Variants in VGLL4 observed in about 807,000 individuals in gnomAD.
VGLL4 encodes vestigial like family member 4, also known as transcription cofactor vestigial-like protein 4.
A neutral mutation model predicts 21.0 loss-of-function variants in VGLL4; 7 were observed. The ratio of observed to expected loss-of-function variants is 0.33; its 90% CI spans 0.19 to 0.63. VGLL4 has a LOEUF of 0.63. VGLL4 is among the 20% of genes least tolerant of loss of function. The pLI, the probability that VGLL4 is intolerant of heterozygous loss-of-function variation, is 0.78. For missense variants in VGLL4, 394 were observed against 425.7 expected, an observed-to-expected ratio of 0.93 and a Z score of 0.66; for synonymous variants, 222 against 173.2, an observed-to-expected ratio of 1.28 and a Z score of -2.21.
At chr3:11,631,733 A>G (rs1230859205) in intron 1 of VGLL4, among the ~76,000 whole-genome samples, 2 of 152,138 alleles carry the variant, frequency 1.3e-5, no homozygotes, top group East Asian at 3.9e-4. Flanking sequence ...CATGGGGGGA[A>G]AAATTTACAA....
intron 2 of VGLL4, among the ~76,000 whole-genome samples, chr3:11,660,552 T>C (rs1464325711): frequency 6.6e-6 from 1 of 152,178 alleles, no homozygotes; most frequent in Non-Finnish European, 1.5e-5. Flanking sequence ...AATCCTTTCC[T>C]TTGTTCTACA....
intron 1 of VGLL4, among the ~76,000 whole-genome samples, chr3:11,605,760 A>G (rs1011474283): frequency 2.6e-5 from 4 of 152,230 alleles, no homozygotes; most frequent in Non-Finnish European, 5.9e-5. Flanking sequence ...GACCTACTGA[A>G]TCAATGAGGC....
intron 3 of VGLL4, among the ~76,000 whole-genome samples, chr3:11,561,433 T>C (rs1321423943): frequency 6.6e-6 from 1 of 152,122 alleles, no homozygotes; most frequent in East Asian, 1.9e-4. Flanking sequence ...CCTTAACCGG[T>C]CACCTGCAGA....
chr3:11,664,702 C>T (rs1399633008), intron 2 of VGLL4, among the ~76,000 whole-genome samples: 1 of 152,098 alleles, frequency 6.6e-6, no homozygotes, highest in African/African-American at 2.4e-5. Context: ...TTGAATATTC[C>T]GGAAGTCCTA....
intron 1 of VGLL4, among the ~76,000 whole-genome samples, chr3:11,711,724 AAAT>A (rs2076849704): frequency 6.6e-6 from 1 of 152,186 alleles, no homozygotes; most frequent in South Asian, 2.1e-4. Flanking sequence ...CTCAAAAAAA[AAAT>A]AAAAAAGAAT....
chr3:11,688,916 G>C (rs2076487217), intron 2 of VGLL4, among the ~76,000 whole-genome samples: 1 of 152,034 alleles, frequency 6.6e-6, no homozygotes, highest in South Asian at 2.1e-4. Flanking sequence ...TACTCGGGAG[G>C]CTATGACAAG....
intron 1 of VGLL4, among the ~76,000 whole-genome samples, chr3:11,620,465 C>CT (rs1178585995): frequency 2.0e-5 from 3 of 152,116 alleles, no homozygotes; most frequent in Non-Finnish European, 2.9e-5. Context: ...CAGGGTGAGC[C>CT]TTGGTCATCC....
chr3:11,631,561 G>C (rs1282257879), intron 1 of VGLL4, among the ~76,000 whole-genome samples: 1 of 152,054 alleles, frequency 6.6e-6, no homozygotes, highest in Non-Finnish European at 1.5e-5. Flanking sequence ...TCATGAAAAA[G>C]GTCAGGTCAT....
intron 2 of VGLL4, among the ~76,000 whole-genome samples, chr3:11,575,451 GTCTGCCCCTCTCT>G (rs2074009925): frequency 6.6e-6 from 1 of 152,182 alleles, no homozygotes; most frequent in African/African-American, 2.4e-5. Context: ...TCGTGTGTGA[GTCTGCCCCTCTCT>G]CTCCTTGAGA....
intron 1 of VGLL4, among the ~76,000 whole-genome samples, chr3:11,712,987 T>C (rs954798381): frequency 6.6e-6 from 1 of 152,290 alleles, no homozygotes; most frequent in Middle Eastern, 3.4e-3. Context: ...ATGCTGAGAC[T>C]GTGGCCAACA....
chr3:11,598,556 C>T (rs1282067832), intron 2 of VGLL4, among the ~76,000 whole-genome samples: 1 of 152,034 alleles, frequency 6.6e-6, no homozygotes, highest in Non-Finnish European at 1.5e-5. Context: ...GTGGTGTGAT[C>T]ACACCTCACT....
At chr3:11,563,079 C>T (rs1024281841) in intron 3 of VGLL4, among the ~76,000 whole-genome samples, 64 of 152,228 alleles carry the variant, frequency 4.2e-4, no homozygotes, top group Non-Finnish European at 6.9e-4. Flanking sequence ...CTCAAGAGCC[C>T]TGAAGAGTCA....
Position 11,683,967 on chromosome 3 carries a change from T to G in VGLL4, c.64+19004A>C, listed in dbSNP as rs372266082. 4.6e-5 allele frequency among the ~76,000 whole-genome samples: 7 copies of G among 152,218 alleles called. No individual in the cohort carries two copies. In the South Asian group the frequency reaches 1.5e-3, roughly 32 times the overall value. ...GGATCACACCTGTAATCCCAGAACTTTAGGAGGCCAAGGCGGGTGGATCAC... is the reference window on the plus strand; with the variant it reads ...GGATCACACCTGTAATCCCAGAACTGTAGGAGGCCAAGGCGGGTGGATCAC... On this transcript the variant is annotated intron_variant, in intron 2 of 5. Coordinates refer to the VGLL4 transcript ENST00000273038.
At chr3:11,671,211 A>C in intron 2 of VGLL4, 1 of 1,551,808 alleles carries the variant, frequency 6.4e-7, no homozygotes, top group Non-Finnish European at 8.7e-7. Flanking sequence ...AATTAATTTC[A>C]ATTAAGAAAT....
intron 2 of VGLL4, among the ~76,000 whole-genome samples, chr3:11,660,459 C>T (rs926582642): frequency 6.6e-5 from 10 of 152,302 alleles, no homozygotes; most frequent in African/African-American, 2.2e-4. Flanking sequence ...TACTCTGAAA[C>T]GCAGCCCAGT....
At chr3:11,646,824 G>A (rs1353329912), upstream of VGLL4, among the ~76,000 whole-genome samples, 1 of 152,086 alleles carries the variant, frequency 6.6e-6, no homozygotes, top group African/African-American at 2.4e-5. Flanking sequence ...CGTCTTTCCC[G>A]CTGATCCGGG....
intron 2 of VGLL4, among the ~76,000 whole-genome samples, chr3:11,595,073 A>C (rs1056351288): frequency 6.6e-5 from 10 of 152,238 alleles, no homozygotes; most frequent in Non-Finnish European, 1.5e-5. Context: ...AGGCAGGAGA[A>C]TCGCTGGAAC....
intron 2 of VGLL4, among the ~76,000 whole-genome samples, chr3:11,701,300 C>G (rs955621497): frequency 1.3e-5 from 2 of 152,138 alleles, no homozygotes; most frequent in Non-Finnish European, 2.9e-5. Flanking sequence ...TGTGACATGC[C>G]TGCTCTCCGT....
chr3:11,653,929 A>G lies in VGLL4; in HGVS notation c.64+49042T>C, dbSNP rs2075917086. On this transcript the variant is annotated intron_variant, in intron 2 of 5. Transcript: ENST00000273038. The surrounding 1 kb of genome is among the most constrained non-coding windows in gnomAD (Gnocchi z 4.2). ...AATTCACCCGAGACAACACAGAGGG[A>G]AGGGCCCCGGCCAGAGGCTCTCAAC... Among the ~76,000 whole-genome samples, 1 of 152,134 alleles carries G rather than the reference A, an allele frequency of 6.6e-6. No individual in the cohort carries two copies. Among genetic ancestry groups the G allele is most frequent in the Non-Finnish European group, 1.5e-5 (1 of 68,022 alleles).
Sources: gnomAD v4.1 joint callset for allele counts (sites outside exome capture counted in the v4.1 genomes callset) on GRCh38, gnomAD v4.1.1 for gene constraint, Gnocchi (gnomAD v3.1) non-coding constraint, MANE v1.5 for transcripts, NCBI Gene and HGNC (gene_info 2026-07-23, HGNC 2026-07-21) for gene names.